Variants in LMTK2 observed in about 807,000 individuals in gnomAD.
LMTK2 encodes lemur tail kinase 2.
Under a neutral mutation model 127.5 loss-of-function variants are expected in LMTK2, and 37 were observed. That is an observed-to-expected ratio of 0.29 (90% CI 0.22 to 0.38). The LOEUF is 0.38. Among genes scored for constraint, LMTK2 ranks in the 10% least tolerant of loss-of-function variants. LMTK2 has a pLI of 1.00. For missense variants in LMTK2, 1,694 were observed against 1,920.3 expected, an observed-to-expected ratio of 0.88 and a Z score of 2.20; for synonymous variants, 819 against 810.1, an observed-to-expected ratio of 1.01 and a Z score of -0.19.
rs752187992 is a variant in LMTK2, at chr7:98,205,538, GC to G, written c.*47del. 2 of 1,605,372 alleles carry G rather than the reference GC, an allele frequency of 1.2e-6. No homozygotes were observed. The highest frequency in any genetic ancestry group is 1.7e-6 in the Non-Finnish European group (2 of 1,176,698). On this transcript the variant is annotated 3_prime_UTR_variant, in exon 14 of 14. Transcript: ENST00000297293. ...TCGGGTCCGAGGCTGCTCCCCTGGA[GC>G]GGCGCCCCTGCGCCCTCAGCCCGAG... is the stretch of plus-strand genomic sequence containing the variant.
chr7:98,202,728 A>C (rs1797720374), intron 11 of LMTK2, among the ~76,000 whole-genome samples: 1 of 151,852 alleles, frequency 6.6e-6, no homozygotes, highest in Non-Finnish European at 1.5e-5. Flanking sequence ...CCTGAGGTTC[A>C]TTTTCAAAGC....
intron 1 of LMTK2, among the ~76,000 whole-genome samples, chr7:98,134,946 T>G (rs1048471012): frequency 2.0e-5 from 3 of 152,224 alleles, no homozygotes; most frequent in African/African-American, 4.8e-5. Flanking sequence ...CTTTCCTCTG[T>G]TTTAGACTTT....
chr7:98,176,534 A>C (rs139816953), intron 7 of LMTK2, among the ~76,000 whole-genome samples: 241 of 152,290 alleles, frequency 1.6e-3, no homozygotes, highest in African/African-American at 5.5e-3. Flanking sequence ...CCCAAGAAAT[A>C]AGGGGGAAAA....
chr7:98,165,201 A>G (rs1351846296), intron 6 of LMTK2, among the ~76,000 whole-genome samples: 1 of 152,188 alleles, frequency 6.6e-6, no homozygotes, highest in Non-Finnish European at 1.5e-5. Context: ...CACAACGGGG[A>G]GTACGATGAG....
chr7:98,203,953 T>A lies in LMTK2; in HGVS notation c.4250T>A (p.Phe1417Tyr). The A allele has an allele frequency of 6.2e-7, 1 of 1,613,788 alleles. No individual in the cohort carries two copies. The highest frequency in any genetic ancestry group is 1.1e-5 in the South Asian group (1 of 91,066). ...ESSTDEEGGG[F>Y]EWDDDFSPDP... is the part of the protein sequence containing the mutation. ...TATTTTTTATTTCTAGGTGGTGGCT[T>A]TGAGTGGGATGATGACTTCTCCCCA... Residue 1417 changes from phenylalanine (F) to tyrosine (Y), a missense_variant, in exon 13 of 14, where the codon TTT (phenylalanine) becomes TAT (tyrosine). Transcript: ENST00000297293.
intron 6 of LMTK2, among the ~76,000 whole-genome samples, chr7:98,170,529 G>T (rs1486383340): frequency 1.3e-5 from 2 of 151,594 alleles, no homozygotes; most frequent in Non-Finnish European, 2.9e-5. Context: ...CCTTCCTCAG[G>T]AGTCTTTTTT....
At chr7:98,139,712 A>G (rs1347470333) in intron 2 of LMTK2, among the ~76,000 whole-genome samples, 2 of 152,226 alleles carry the variant, frequency 1.3e-5, no homozygotes, top group African/African-American at 2.4e-5. Flanking sequence ...GAGAACATAC[A>G]TGAGAATAAT....
rs202014729 is a variant in LMTK2 at position 98,193,641 on chromosome 7, C to T, written c.3176C>T (p.Thr1059Met). 1.5e-4 allele frequency: 249 copies of T among 1,613,972 alleles called. No homozygotes were observed. Among genetic ancestry groups the T allele is most frequent in the Middle Eastern group, 3.3e-4 (2 of 6,062 alleles). Residue 1059 changes from threonine to methionine, a missense_variant, in exon 11 of 14, where the codon ACG becomes ATG. Physicochemically the swap from Thr to Met is moderately conservative, Grantham distance 81. Transcript: ENST00000297293. The surrounding 1 kb of genome is among the most constrained non-coding windows in gnomAD (Gnocchi z 4.1). Reference sequence around the variant, plus strand: ...ACCGCAGACTCAGAACCAGCCACCACGGGCGATGGCGGCCACAGCGGTCTG... The same window carrying T: ...ACCGCAGACTCAGAACCAGCCACCATGGGCGATGGCGGCCACAGCGGTCTG... ...EGTADSEPAT[T>M]GDGGHSGLPP...
At position 98,112,585 on chromosome 7, in the gene LMTK2, A is replaced by G. The variant is rs149386001; in HGVS notation, c.103+5305A>G. On this transcript the variant is annotated intron_variant, in intron 1 of 13. Transcript: ENST00000297293. Reference sequence around the variant, plus strand: ...TGGACAGCACAGAAGAGAACTTCCCATTATGGAAAAAGGTTCTGTGGGACA... The same window carrying G: ...TGGACAGCACAGAAGAGAACTTCCCGTTATGGAAAAAGGTTCTGTGGGACA... Among the ~76,000 whole-genome samples, 1,411 of 152,340 alleles carry G rather than the reference A, an allele frequency of 9.3e-3. 13 individuals carry two copies. The highest frequency in any genetic ancestry group is 0.012 in the Non-Finnish European group (802 of 68,034).
At chr7:98,159,666 TAAC>T (rs952096219) in intron 6 of LMTK2, among the ~76,000 whole-genome samples, 33 of 152,220 alleles carry the variant, frequency 2.2e-4, no homozygotes, top group African/African-American at 6.8e-4. Flanking sequence ...CACTTAATGA[TAAC>T]AAACTCCAGA....
intron 1 of LMTK2, among the ~76,000 whole-genome samples, chr7:98,108,187 A>G (rs1299356992): frequency 6.6e-6 from 1 of 152,236 alleles, no homozygotes; most frequent in Non-Finnish European, 1.5e-5. Flanking sequence ...TTTACGTAGT[A>G]GGAGATACTG....
chr7:98,121,725 G>A (rs1057421155), intron 1 of LMTK2, among the ~76,000 whole-genome samples: 1 of 152,136 alleles, frequency 6.6e-6, no homozygotes, highest in Non-Finnish European at 1.5e-5. Context: ...TTTGTGCCGG[G>A]CATGGTGGCT....
intron 1 of LMTK2, among the ~76,000 whole-genome samples, chr7:98,120,604 C>G (rs978401359): frequency 2.0e-5 from 3 of 152,176 alleles, no homozygotes; most frequent in Non-Finnish European, 2.9e-5. Context: ...ATCGCAGATT[C>G]TTCTCAGAAC....
At position 98,191,614 on chromosome 7, in the gene LMTK2, G is replaced by A; in HGVS notation, c.1149G>A (p.Trp383Ter). ...TGATTGCTTGTCGTGTGCTGCTCAG[G>A]TATGAAGTCTTACAGTTCTGTTGGC... The part of the protein sequence containing the change: ...PQLEQPYSDR[W>*]YEVLQFCWLS... Residue 383 changes from tryptophan to a stop codon, truncating the protein, a stop_gained and splice_region_variant, in exon 11 of 14, where the codon TGG becomes TGA. Transcript: ENST00000297293. LOFTEE classifies it high-confidence loss of function. The A allele has an allele frequency of 6.3e-7, 1 of 1,595,046 alleles. No homozygotes were observed. The highest frequency in any genetic ancestry group is 8.5e-7 in the Non-Finnish European group (1 of 1,171,306).
intron 1 of LMTK2, among the ~76,000 whole-genome samples, chr7:98,129,317 C>G (rs1193175525): frequency 1.3e-5 from 2 of 152,094 alleles, no homozygotes; most frequent in African/African-American, 2.4e-5. Flanking sequence ...ACTGGGATTA[C>G]AGGCATGAGC....
chr7:98,140,114 CT>C (rs1554386844), intron 2 of LMTK2, among the ~76,000 whole-genome samples: 2 of 7,502 alleles, frequency 2.7e-4, no homozygotes, highest in African/African-American at 5.3e-4. Flanking sequence ...TTCTTTCTTT[CT>C]TTCTTTCTTT....
At position 98,206,754 on chromosome 7, in the gene LMTK2, A is replaced by C. The variant is rs1038336903; in HGVS notation, c.*1262A>C. 1 of 152,274 alleles carries C rather than the reference A, an allele frequency of 6.6e-6. No individual in the cohort carries two copies. Among genetic ancestry groups the C allele is most frequent in the African/African-American group, 2.4e-5 (1 of 41,426 alleles). 9.4% of individuals were successfully genotyped at this position (152,274 alleles called of 1,614,324 possible). On this transcript the variant is annotated 3_prime_UTR_variant, in exon 14 of 14. Coordinates refer to ENST00000297293, the MANE Select transcript of LMTK2 (RefSeq NM_014916.4). ...CGAATCTTCTCCTCCGAGCCACTCC[A>C]CGTCACGTCCAGCTGGGCCTGGCCA...
At chr7:98,159,733 A>C (rs1161753170) in intron 6 of LMTK2, among the ~76,000 whole-genome samples, 1 of 151,358 alleles carries the variant, frequency 6.6e-6, no homozygotes, top group Non-Finnish European at 1.5e-5. Context: ...GGTGTGGATC[A>C]AGTGTGTAGC....
intron 2 of LMTK2, 62 bp downstream of exon 2, chr7:98,137,504 T>C: frequency 6.7e-7 from 1 of 1,497,052 alleles, no homozygotes; most frequent in Non-Finnish European, 9.1e-7. Context: ...ATAGAATAAC[T>C]GGATAGCACA....
Sources: allele counts gnomAD v4.1 joint callset (sites outside exome capture counted in the v4.1 genomes callset), GRCh38; gene constraint gnomAD v4.1.1; non-coding constraint Gnocchi (gnomAD v3.1); transcripts MANE v1.5; gene names NCBI Gene and HGNC (gene_info 2026-07-23, HGNC 2026-07-21).